The following ADD2 variants were observed in gnomAD, a reference collection of about 807,000 sequenced individuals.
ADD2 encodes beta-adducin.
A neutral mutation model predicts 83.0 loss-of-function variants in ADD2; 23 were observed. That is an observed-to-expected ratio of 0.28 (90% CI 0.20 to 0.39). The LOEUF (loss-of-function observed/expected upper bound fraction) is 0.39. Ranked by LOEUF, ADD2 falls within the 10% of genes least tolerant of loss-of-function variation. The pLI is 1.00. For synonymous variants in ADD2, 375 were observed against 375.4 expected, an observed-to-expected ratio of 1.00 and a Z score of 0.01; for missense variants, 758 against 944.9, an observed-to-expected ratio of 0.80 and a Z score of 2.59.
At chr2:70,767,145 A>AGACACC (rs1382604942) in intron 1 of ADD2, among the ~76,000 whole-genome samples, 4 of 152,088 alleles carry the variant, frequency 2.6e-5, no homozygotes, top group African/African-American at 9.7e-5. Flanking sequence ...AAAAATAAGC[A>AGACACC]GACACCGACT....
intron 1 of ADD2, among the ~76,000 whole-genome samples, chr2:70,730,365 G>A (rs1673219243): frequency 6.6e-6 from 1 of 152,234 alleles, no homozygotes; most frequent in Non-Finnish European, 1.5e-5. Context: ...GGGCCTATGG[G>A]CCAAAATTAG....
intron 1 of ADD2, among the ~76,000 whole-genome samples, chr2:70,742,428 T>C (rs1275885469): frequency 6.6e-6 from 1 of 152,164 alleles, no homozygotes; most frequent in East Asian, 1.9e-4. Flanking sequence ...TGTTCTTAGC[T>C]AACTTTTAAT....
chr2:70,761,099 T>C (rs1675061820), intron 1 of ADD2, among the ~76,000 whole-genome samples: 1 of 152,114 alleles, frequency 6.6e-6, no homozygotes, highest in African/African-American at 2.4e-5. Context: ...TAAGTAAAAA[T>C]GAAGATTGAG....
At chr2:70,712,979 A>C in intron 2 of ADD2, 87 bp downstream of exon 2, 2 of 430,040 alleles carry the variant, frequency 4.7e-6, no homozygotes, top group Non-Finnish European at 6.2e-6. Flanking sequence ...ATCCTCATGC[A>C]AAGGGCCTTG....
intron 15 of ADD2, among the ~76,000 whole-genome samples, chr2:70,664,994 G>A (rs1377349219): frequency 6.6e-6 from 1 of 152,120 alleles, no homozygotes; most frequent in Non-Finnish European, 1.5e-5. Context: ...GCGAGTGAGT[G>A]TGTGACACAC....
chr2:70,710,787 C>A (rs561723852), intron 2 of ADD2, among the ~76,000 whole-genome samples: 1 of 152,350 alleles, frequency 6.6e-6, no homozygotes, highest in Non-Finnish European at 1.5e-5. Flanking sequence ...AGTAAATTAA[C>A]TACCTTGAAA....
chr2:70,684,259 A>G (rs782291143), intron 9 of ADD2, among the ~76,000 whole-genome samples: 1 of 151,100 alleles, frequency 6.6e-6, no homozygotes, highest in Non-Finnish European at 1.5e-5. Context: ...ATTTTTTTTT[A>G]TTTTTATTTT....
chr2:70,741,043 G>A (rs1553381038), intron 1 of ADD2, among the ~76,000 whole-genome samples: 2 of 152,200 alleles, frequency 1.3e-5, no homozygotes, highest in Non-Finnish European at 2.9e-5. Context: ...AATGTGAAAA[G>A]TGAGTTCCTG....
rs1675504701 is a variant in ADD2, at chr2:70,768,090, T to C, written c.-358A>G. Reference sequence around the variant, plus strand: ...GCGGCTCCGCGGCGGCGGGGATGACTGGCCACCGACGCCGCAGTTCCTTGA... The same window carrying C: ...GCGGCTCCGCGGCGGCGGGGATGACCGGCCACCGACGCCGCAGTTCCTTGA... On this transcript the variant is annotated 5_prime_UTR_variant, in exon 1 of 16. Coordinates refer to ENST00000264436, the MANE Select transcript of ADD2 (RefSeq NM_001617.4). 8.1e-6 allele frequency: 8 copies of C among 982,344 alleles called. No homozygotes were observed. Among genetic ancestry groups the C allele is most frequent in the South Asian group, 3.3e-5 (2 of 59,988 alleles). 60.9% of individuals were successfully genotyped at this position (982,344 alleles called of 1,614,324 possible).
In ADD2 at chr2:70,676,617, C is replaced by T. The variant is rs1485507278; in HGVS notation, c.1593+179G>A. On this transcript the variant is annotated intron_variant, in intron 13 of 15. Transcript: ENST00000264436. This position sits in a 1 kb window ranked among gnomAD's most constrained non-coding sequence, Gnocchi z 4.8. ...ACAGGGGCCATCAGACATTGTCCTC[C>T]CTGGTCCTCACAGCACCCCTGTGAG... 2 of 1,454,136 alleles carry T rather than the reference C, an allele frequency of 1.4e-6. No homozygotes were observed. Among genetic ancestry groups the T allele is most frequent in the Non-Finnish European group, 1.8e-6 (2 of 1,096,820 alleles). The allele number at this position is 1,454,136 out of a possible 1,614,324, so 90.1% of individuals were successfully genotyped here.
intron 2 of ADD2, among the ~76,000 whole-genome samples, chr2:70,707,698 TG>T (rs1671973794): frequency 2.0e-5 from 3 of 152,238 alleles, no homozygotes; most frequent in Non-Finnish European, 4.4e-5. Flanking sequence ...GAAGGCAGCA[TG>T]TACTTTGGCT....
chr2:70,677,932 C>A (rs1553368726), intron 11 of ADD2, 55 bp from the exon 12 acceptor site: 1 of 1,607,240 alleles, frequency 6.2e-7, no homozygotes, highest in East Asian at 2.2e-5. Context: ...CATGAGTCCT[C>A]CCCAGTGGTC....
chr2:70,760,359 T>C (rs1675019701), intron 1 of ADD2, among the ~76,000 whole-genome samples: 2 of 152,166 alleles, frequency 1.3e-5, no homozygotes, highest in African/African-American at 4.8e-5. Flanking sequence ...CACTTCCTTC[T>C]TGGCTGTGCT....
At chr2:70,704,263 T>TGGCCCCCCCCCCCCC in intron 4 of ADD2, 58 bp downstream of exon 4, 44 of 913,220 alleles carry the variant, frequency 4.8e-5, no homozygotes, top group Non-Finnish European at 6.1e-5. Context: ...CTCCCTCTCT[T>TGGCCCCCCCCCCCCC]CCCCACCCCA....
At chr2:70,752,890 T>C (rs1156400744) in intron 1 of ADD2, among the ~76,000 whole-genome samples, 4 of 152,224 alleles carry the variant, frequency 2.6e-5, no homozygotes, top group Admixed American at 2.6e-4. Context: ...CAAATGAGAC[T>C]GGAATCTACA....
chr2:70,747,160 G>A (rs939515946), intron 1 of ADD2, among the ~76,000 whole-genome samples: 34 of 151,808 alleles, frequency 2.2e-4, no homozygotes, highest in Non-Finnish European at 4.3e-4. Context: ...ACAGGCACCC[G>A]CCACCACACC....
chr2:70,718,746 G>A (rs956916872), intron 1 of ADD2, among the ~76,000 whole-genome samples: 1 of 152,188 alleles, frequency 6.6e-6, no homozygotes, highest in African/African-American at 2.4e-5. Context: ...CTTGATTCAG[G>A]CCACAGAGCT....
intron 4 of ADD2, among the ~76,000 whole-genome samples, chr2:70,698,673 G>A (rs1286841729): frequency 6.6e-6 from 1 of 152,016 alleles, no homozygotes; most frequent in Non-Finnish European, 1.5e-5. Context: ...AATGTCGCTT[G>A]TACCCCATAA....
intron 1 of ADD2, among the ~76,000 whole-genome samples, chr2:70,759,945 T>C (rs2104556695): frequency 6.6e-6 from 1 of 152,200 alleles, no homozygotes; most frequent in East Asian, 1.9e-4. Context: ...TAGCCCTGTT[T>C]CATTGAGCCT....
Sources: gnomAD v4.1 joint callset for allele counts (sites outside exome capture counted in the v4.1 genomes callset) on GRCh38, gnomAD v4.1.1 for gene constraint, Gnocchi (gnomAD v3.1) non-coding constraint, MANE v1.5 for transcripts, NCBI Gene and HGNC (gene_info 2026-07-23, HGNC 2026-07-21) for gene names.